Variants in HPSE2 observed in about 807,000 individuals in gnomAD.
The protein encoded by HPSE2 is inactive heparanase-2.
A neutral mutation model predicts 60.5 loss-of-function variants in HPSE2; 38 were observed. That is an observed-to-expected ratio of 0.63 (90% CI 0.48 to 0.82). The LOEUF (loss-of-function observed/expected upper bound fraction) is 0.82, where lower values mean the gene tolerates loss of function less well. HPSE2 is among the 40% of genes least tolerant of loss of function. The pLI is 0.00. For synonymous variants in HPSE2, 295 were observed against 293.2 expected, an observed-to-expected ratio of 1.01 and a Z score of -0.06; for missense variants, 713 against 740.4, an observed-to-expected ratio of 0.96 and a Z score of 0.43.
intron 3 of HPSE2, among the ~76,000 whole-genome samples, chr10:98,976,217 A>G (rs889699140): frequency 6.6e-5 from 10 of 152,166 alleles, no homozygotes; most frequent in African/African-American, 2.4e-4. Flanking sequence ...AAGAGACTAT[A>G]CATATATATA....
chr10:99,004,414 T>C (rs1006623593), intron 3 of HPSE2, among the ~76,000 whole-genome samples: 6 of 152,154 alleles, frequency 3.9e-5, no homozygotes, highest in Non-Finnish European at 8.8e-5. Context: ...CTTCTGATCT[T>C]TGGTGTATCG....
At chr10:99,084,996 T>C (rs1260258675) in intron 3 of HPSE2, among the ~76,000 whole-genome samples, 1 of 152,216 alleles carries the variant, frequency 6.6e-6, no homozygotes, top group Non-Finnish European at 1.5e-5. Flanking sequence ...CCCTTACCTC[T>C]AGCACTTCTC....
At chr10:99,169,503 TCAAAAAAAAAAAAAAAAAAAAAAAA>T (rs1847223404) in intron 2 of HPSE2, among the ~76,000 whole-genome samples, 1 of 43,418 alleles carries the variant, frequency 2.3e-5, no homozygotes, top group Non-Finnish European at 3.6e-5. Context: ...AGACTCCGTC[TCAAAAAAAAAAAAAAAAAAAAAAAA>T]AAAAAAAAAA....
the HPSE2 span, among the ~76,000 whole-genome samples, chr10:99,262,202 G>A: frequency 3.9e-5 from 6 of 152,158 alleles, no homozygotes; most frequent in Non-Finnish European, 5.9e-5. Flanking sequence ...TTTCAAGGGC[G>A]TGTTTCCCTT....
chr10:98,516,356 T>A (rs1419215629), intron 9 of HPSE2, among the ~76,000 whole-genome samples: 1 of 152,148 alleles, frequency 6.6e-6, no homozygotes, highest in Non-Finnish European at 1.5e-5. Flanking sequence ...AAATAAATAT[T>A]TGTTGAATGA....
At chr10:98,733,606 G>GCTTC (rs1298713058) in intron 4 of HPSE2, among the ~76,000 whole-genome samples, 3 of 152,130 alleles carry the variant, frequency 2.0e-5, no homozygotes, top group Non-Finnish European at 4.4e-5. Flanking sequence ...CTTTGAATGT[G>GCTTC]TTTCTTCACT....
At chr10:99,131,504 T>C (rs1589704637) in intron 3 of HPSE2, among the ~76,000 whole-genome samples, 1 of 152,202 alleles carries the variant, frequency 6.6e-6, no homozygotes, top group East Asian at 1.9e-4. Flanking sequence ...TATATATATA[T>C]GTATATACAC....
In HPSE2 at chr10:98,977,807, T is replaced by G. The variant is rs141171270; in HGVS notation, c.610+166431A>C. ...TTTTATAATAATAATATATACTTTT[T>G]ATAAAATGCTTAGAAAGTGCTATGT... On this transcript the variant is annotated intron_variant, in intron 3 of 11. Coordinates refer to ENST00000370552, the MANE Select transcript of HPSE2 (RefSeq NM_021828.5). 7.2e-5 allele frequency among the ~76,000 whole-genome samples: 11 copies of G among 151,862 alleles called. No individual in the cohort carries two copies. The East Asian group carries it at 1.9e-3, about 27-fold the overall frequency.
chr10:98,953,904 T>C (rs372945888), intron 3 of HPSE2, among the ~76,000 whole-genome samples: 18 of 152,322 alleles, frequency 1.2e-4, no homozygotes, highest in African/African-American at 4.1e-4. Context: ...TTTGCCAGGA[T>C]TGAAAAGGTA....
chr10:98,566,189 T>C (rs74156641), intron 9 of HPSE2, among the ~76,000 whole-genome samples: 4,152 of 152,336 alleles, frequency 0.027, 203 homozygotes, highest in African/African-American at 0.094. Context: ...ATCATTCTTC[T>C]TATTTAATAC....
chr10:99,208,859 A>G (rs533607856), intron 2 of HPSE2, among the ~76,000 whole-genome samples: 1 of 152,308 alleles, frequency 6.6e-6, no homozygotes, highest in African/African-American at 2.4e-5. Flanking sequence ...AGGGGTAGCT[A>G]TAACTTAGAT....
chr10:98,662,608 C>T (rs1185114789), intron 6 of HPSE2, among the ~76,000 whole-genome samples: 2 of 152,128 alleles, frequency 1.3e-5, no homozygotes, highest in Non-Finnish European at 1.5e-5. Flanking sequence ...GAGTACTGGG[C>T]TTAGTACCTG....
At chr10:98,646,909 T>C (rs1946784435) in intron 6 of HPSE2, among the ~76,000 whole-genome samples, 1 of 152,190 alleles carries the variant, frequency 6.6e-6, no homozygotes, top group Non-Finnish European at 1.5e-5. Context: ...CATTGCAACA[T>C]TTTGCTGCAT....
Position 98,476,853 on chromosome 10 carries a change from G to C in HPSE2, c.1613+5783C>G, listed in dbSNP as rs1222782426. Reference sequence around the variant, plus strand: ...GAAGAAAAGTTAATGAAACTGGTGTGAATTAGCCTGAAGGAGAAAACTTCT... The same window carrying C: ...GAAGAAAAGTTAATGAAACTGGTGTCAATTAGCCTGAAGGAGAAAACTTCT... On this transcript the variant is annotated intron_variant, in intron 11 of 11. Coordinates refer to ENST00000370552, the MANE Select transcript of HPSE2 (RefSeq NM_021828.5). Among the ~76,000 whole-genome samples the C allele has an allele frequency of 1.1e-3, 160 of 152,202 alleles. 1 individual carries two copies. Among genetic ancestry groups the C allele is most frequent in the Admixed American group, 0.01 (158 of 15,276 alleles).
At chr10:98,658,078 A>G (rs1423180317) in intron 6 of HPSE2, among the ~76,000 whole-genome samples, 1 of 151,956 alleles carries the variant, frequency 6.6e-6, no homozygotes. Context: ...ATCAGAGTGT[A>G]TATGGTTTGA....
intron 6 of HPSE2, among the ~76,000 whole-genome samples, chr10:98,676,254 G>T (rs1947640483): frequency 6.6e-6 from 1 of 152,126 alleles, no homozygotes; most frequent in Non-Finnish European, 1.5e-5. Context: ...CCCTCCTTAG[G>T]CAGGGAGATA....
intron 7 of HPSE2, among the ~76,000 whole-genome samples, chr10:98,634,775 A>C (rs1946452657): frequency 6.6e-6 from 1 of 152,246 alleles, no homozygotes. Context: ...AAGCAATGAT[A>C]ACAAATGAAT....
At chr10:98,689,510 A>G (rs1482945398) in intron 6 of HPSE2, among the ~76,000 whole-genome samples, 1 of 152,198 alleles carries the variant, frequency 6.6e-6, no homozygotes, top group Non-Finnish European at 1.5e-5. Flanking sequence ...TATTTTCCCC[A>G]TAACTCTATG....
intron 3 of HPSE2, among the ~76,000 whole-genome samples, chr10:98,931,272 T>G (rs1346844347): frequency 6.9e-6 from 1 of 143,990 alleles, no homozygotes; most frequent in African/African-American, 2.8e-5. Flanking sequence ...AAAGATCAGA[T>G]AGCTGTAGAT....
Sources: allele counts gnomAD v4.1 joint callset (sites outside exome capture counted in the v4.1 genomes callset), GRCh38; gene constraint gnomAD v4.1.1; transcripts MANE v1.5; gene names NCBI Gene and HGNC (gene_info 2026-07-23, HGNC 2026-07-21).